KLF12: variants seen among roughly 807,000 people sequenced by gnomAD.
The protein encoded by KLF12 is Krueppel-like factor 12.
In KLF12, 9 loss-of-function variants were observed where a neutral mutation model predicts 37.8. That is an observed-to-expected ratio of 0.24 (90% CI 0.14 to 0.42). The LOEUF (loss-of-function observed/expected upper bound fraction) is 0.42. KLF12 is among the 10% of genes least tolerant of loss of function. KLF12 has a pLI of 1.00. For synonymous variants in KLF12, 208 were observed against 202.1 expected, an observed-to-expected ratio of 1.03 and a Z score of -0.25; for missense variants, 411 against 516.0, an observed-to-expected ratio of 0.80 and a Z score of 1.97.
At chr13:74,213,574 C>T in the KLF12 span, among the ~76,000 whole-genome samples, 2 of 151,426 alleles carry the variant, frequency 1.3e-5, no homozygotes, top group African/African-American at 4.8e-5. Context: ...CTTCCTCTTT[C>T]CCTCCTTTCC....
intron 2 of KLF12, among the ~76,000 whole-genome samples, chr13:73,954,848 C>T (rs1729111910): frequency 6.6e-6 from 1 of 152,208 alleles, no homozygotes; most frequent in Non-Finnish European, 1.5e-5. Flanking sequence ...AATTACTGTA[C>T]TAATTTGACA....
At chr13:74,084,551 T>C (rs898015259) in intron 1 of KLF12, among the ~76,000 whole-genome samples, 36 of 152,206 alleles carry the variant, frequency 2.4e-4, no homozygotes, top group African/African-American at 4.3e-4. Context: ...CTAGAATGTA[T>C]TGAGTAGTTT....
chr13:73,783,899 G>C (rs1476013704), intron 5 of KLF12, among the ~76,000 whole-genome samples: 2 of 152,084 alleles, frequency 1.3e-5, no homozygotes, highest in Non-Finnish European at 2.9e-5. Context: ...CTTAGAATGG[G>C]CTATCATGTT....
intron 5 of KLF12, among the ~76,000 whole-genome samples, chr13:73,807,160 T>C (rs1220299013): frequency 1.1e-4 from 16 of 152,006 alleles, no homozygotes; most frequent in Non-Finnish European, 5.9e-5. Flanking sequence ...ATACAAAAAT[T>C]AGCTGGGCGT....
chr13:73,823,304 G>A (rs571479238), intron 4 of KLF12, among the ~76,000 whole-genome samples: 4 of 151,160 alleles, frequency 2.6e-5, no homozygotes, highest in Middle Eastern at 3.4e-3. Context: ...AATCCACCTC[G>A]AACTTAAGTC....
chr13:74,292,130 A>G, the KLF12 span, among the ~76,000 whole-genome samples: 2 of 152,222 alleles, frequency 1.3e-5, no homozygotes, highest in South Asian at 2.1e-4. Flanking sequence ...CTAGAGCTGT[A>G]TCCACTGTAC....
At chr13:74,272,019 T>C in the KLF12 span, among the ~76,000 whole-genome samples, 1 of 152,360 alleles carries the variant, frequency 6.6e-6, no homozygotes, top group East Asian at 1.9e-4. Flanking sequence ...TGACCAGCCC[T>C]AGCTGCAAGG....
At chr13:73,909,337 T>G (rs149533979) in intron 3 of KLF12, among the ~76,000 whole-genome samples, 225 of 152,314 alleles carry the variant, frequency 1.5e-3, no homozygotes, top group African/African-American at 4.5e-3. Flanking sequence ...TCCTCATATA[T>G]TCCAGTTTTG....
At chr13:74,147,250 G>A in the KLF12 span, among the ~76,000 whole-genome samples, 1 of 151,928 alleles carries the variant, frequency 6.6e-6, no homozygotes, top group Non-Finnish European at 1.5e-5. Context: ...GCCTCCCTTG[G>A]GGAACAAGTG....
chr13:73,854,134 T>C (rs1337028505), intron 3 of KLF12, among the ~76,000 whole-genome samples: 1 of 152,240 alleles, frequency 6.6e-6, no homozygotes, highest in Non-Finnish European at 1.5e-5. Context: ...CTTTTGGTTT[T>C]AAATTAATGT....
the KLF12 span, among the ~76,000 whole-genome samples, chr13:74,213,117 G>C: frequency 6.6e-6 from 1 of 152,122 alleles, no homozygotes; most frequent in Admixed American, 6.6e-5. Context: ...TCTACCCAGA[G>C]ATGATCTGTG....
At chr13:74,106,681 T>C (rs1232605431) in intron 1 of KLF12, among the ~76,000 whole-genome samples, 1 of 152,210 alleles carries the variant, frequency 6.6e-6, no homozygotes, top group Non-Finnish European at 1.5e-5. Flanking sequence ...AGAAAACAGA[T>C]GACTGCACTG....
intron 4 of KLF12, among the ~76,000 whole-genome samples, chr13:73,826,227 C>G (rs1292495551): frequency 1.3e-5 from 2 of 152,106 alleles, no homozygotes; most frequent in Non-Finnish European, 2.9e-5. Flanking sequence ...CCCGCCTCGG[C>G]CTCCCAAAGT....
At chr13:74,272,612 GA>G in the KLF12 span, among the ~76,000 whole-genome samples, 1 of 152,114 alleles carries the variant, frequency 6.6e-6, no homozygotes, top group Non-Finnish European at 1.5e-5. Context: ...GGACTAGGCC[GA>G]ATGCTATGGA....
chr13:74,272,874 G>C, the KLF12 span, among the ~76,000 whole-genome samples: 1 of 152,116 alleles, frequency 6.6e-6, no homozygotes, highest in Non-Finnish European at 1.5e-5. Flanking sequence ...TGGTATGCTA[G>C]GTACCTGGTA....
chr13:73,918,294 C>T (rs555837256), intron 3 of KLF12, among the ~76,000 whole-genome samples: 2 of 152,234 alleles, frequency 1.3e-5, no homozygotes, highest in South Asian at 4.1e-4. Flanking sequence ...AACTCCTCTT[C>T]TTACTCCTAC....
At chr13:74,170,173 G>A in the KLF12 span, among the ~76,000 whole-genome samples, 60 of 151,398 alleles carry the variant, frequency 4.0e-4, no homozygotes, top group Admixed American at 2.6e-4. Context: ...TATGATCTGC[G>A]CAAGAAGAAG....
chr13:73,854,812 A>G (rs2138751513), intron 3 of KLF12, among the ~76,000 whole-genome samples: 1 of 152,330 alleles, frequency 6.6e-6, no homozygotes, highest in East Asian at 1.9e-4. Context: ...GTATGTTTTC[A>G]TTATCTCTCC....
chr13:73,857,711 T>C (rs1566420641), intron 3 of KLF12, among the ~76,000 whole-genome samples: 1 of 152,166 alleles, frequency 6.6e-6, no homozygotes, highest in Non-Finnish European at 1.5e-5. Context: ...AACATGGACA[T>C]AAAAGCAATC....
Sources: gnomAD v4.1 joint callset for allele counts (sites outside exome capture counted in the v4.1 genomes callset) on GRCh38, gnomAD v4.1.1 for gene constraint, MANE v1.5 for transcripts, NCBI Gene and HGNC (gene_info 2026-07-23, HGNC 2026-07-21) for gene names.